Variants in PRPS2 observed in about 807,000 individuals in gnomAD.
The protein encoded by PRPS2 is ribose-phosphate pyrophosphokinase 2.
For missense variants in PRPS2, 104 were observed against 271.5 expected (o/e 0.38, Z 4.34); for synonymous variants, 111 against 115.3 (o/e 0.96, Z 0.24).
intron 4 of PRPS2, among the ~76,000 whole-genome samples, chrX:12,818,576 TA>T (rs1415726106): frequency 3.2e-4 from 35 of 110,755 alleles, no homozygotes; most frequent in Middle Eastern, 4.7e-3. Context: ...ACTAGGACTT[TA>T]AAACTAGTGT....
chrX:12,801,590 A>G (rs2042570757), intron 2 of PRPS2, among the ~76,000 whole-genome samples: 1 of 111,732 alleles, frequency 8.9e-6, no homozygotes, highest in African/African-American at 3.3e-5. Context: ...CTCACATTGT[A>G]GCTGGTTTTT....
At chrX:12,795,427 T>C (rs1347095774) in intron 1 of PRPS2, among the ~76,000 whole-genome samples, 1 of 111,669 alleles carries the variant, frequency 9.0e-6, no homozygotes, top group Non-Finnish European at 1.9e-5. Flanking sequence ...TCTGCTGTAG[T>C]TCATTTTGTG....
intron 2 of PRPS2, among the ~76,000 whole-genome samples, chrX:12,801,220 A>ATGTGTGTGTG (rs2042567711): frequency 4.2e-5 from 1 of 23,770 alleles, no homozygotes; most frequent in African/African-American, 1.6e-4. Context: ...TTGCGTGCGC[A>ATGTGTGTGTG]CGTGTGTGTG....
chrX:12,792,485 G>A (rs1449878923), intron 1 of PRPS2, among the ~76,000 whole-genome samples: 2 of 111,938 alleles, frequency 1.8e-5, no homozygotes, highest in African/African-American at 6.5e-5. Flanking sequence ...TCAGGTGGTG[G>A]CCATCCTCGG....
chrX:12,796,213 CTTTTTTTTTTTTT>C (rs751352461), intron 1 of PRPS2, among the ~76,000 whole-genome samples: 4 of 38,684 alleles, frequency 1.0e-4, no homozygotes, highest in Non-Finnish European at 1.9e-4. Flanking sequence ...ATAATTGGCT[CTTTTTTTTTTTTT>C]TTTTTTTTTT....
At chrX:12,820,485 T>C (rs2042670202) in intron 5 of PRPS2, among the ~76,000 whole-genome samples, 159 bp from the exon 6 acceptor site, 1 of 112,193 alleles carries the variant, frequency 8.9e-6, no homozygotes, top group African/African-American at 3.2e-5. Context: ...AGTGTTTTGC[T>C]CATGCTTGAG....
intron 4 of PRPS2, among the ~76,000 whole-genome samples, chrX:12,817,547 TGAG>T (rs2042654534): frequency 1.8e-5 from 2 of 108,432 alleles, no homozygotes; most frequent in African/African-American, 6.7e-5. Context: ...AATTCCACTC[TGAG>T]GTATATTCCC....
At chrX:12,801,131 A>AGTGGCTG (rs1199709381) in intron 2 of PRPS2, among the ~76,000 whole-genome samples, 1 of 111,655 alleles carries the variant, frequency 9.0e-6, no homozygotes, top group African/African-American at 3.3e-5. Context: ...TACCAAAACA[A>AGTGGCTG]GTGGCTGGTG....
intron 4 of PRPS2, among the ~76,000 whole-genome samples, chrX:12,815,319 T>C (rs780612457): frequency 3.4e-4 from 38 of 110,904 alleles, no homozygotes; most frequent in African/African-American, 9.2e-4. Flanking sequence ...CCTACCCTGC[T>C]GTCTGCTTGT....
At chrX:12,806,944 C>T (rs2042596393) in intron 2 of PRPS2, among the ~76,000 whole-genome samples, 2 of 110,947 alleles carry the variant, frequency 1.8e-5, no homozygotes, top group South Asian at 3.8e-4. Flanking sequence ...CAAAATTAGC[C>T]GGTTGTGGTG....
intron 4 of PRPS2, among the ~76,000 whole-genome samples, chrX:12,818,854 C>G (rs1359812040): frequency 9.0e-6 from 1 of 110,512 alleles, no homozygotes; most frequent in Non-Finnish European, 1.9e-5. Context: ...CTCAGCTCCT[C>G]CTGAGCTAGT....
At chrX:12,802,348 T>C (rs192049170) in intron 2 of PRPS2, among the ~76,000 whole-genome samples, 1,176 of 111,160 alleles carry the variant, frequency 0.011, 14 homozygotes, top group African/African-American at 0.037. Context: ...TTTTGTTTTG[T>C]TTTGTTTTGT....
chrX:12,818,240 T>C (rs2042658210), intron 4 of PRPS2, among the ~76,000 whole-genome samples: 1 of 107,833 alleles, frequency 9.3e-6, no homozygotes, highest in South Asian at 4.1e-4. Flanking sequence ...TGGTGGTGCA[T>C]GCCTATCACC....
rs1422477566 is a variant in PRPS2, at chrX:12,823,422, T to TG, written c.*632dup. ...GCTTAATATGGACACTGACACATTT[T>TG]GGGGGGTATACATTAGACATATCAG... On this transcript the variant is annotated 3_prime_UTR_variant, in exon 7 of 7. Coordinates refer to ENST00000380668, the MANE Select transcript of PRPS2 (RefSeq NM_002765.5). 2 of 109,247 alleles carry TG rather than the reference T, an allele frequency of 1.8e-5. No individual in the cohort carries two copies. Among genetic ancestry groups the TG allele is most frequent in the African/African-American group, 6.7e-5 (2 of 29,805 alleles). The allele number at this position is 109,247 out of a possible 1,213,427, so 9.0% of individuals were successfully genotyped here.
At chrX:12,806,139 C>T (rs1351998697) in intron 2 of PRPS2, among the ~76,000 whole-genome samples, 3 of 110,157 alleles carry the variant, frequency 2.7e-5, no homozygotes, top group Non-Finnish European at 5.7e-5. Context: ...ACTTCTGAGG[C>T]GGGTAAAGGA....
Position 12,792,397 on chromosome X carries a change from T to C in PRPS2, c.122+778T>C, listed in dbSNP as rs2042524492. On this transcript the variant is annotated intron_variant, in intron 1 of 6. Coordinates refer to ENST00000380668, the MANE Select transcript of PRPS2 (RefSeq NM_002765.5). ...GATGGACTTTCAGCTTCCTTCTTGTTCTAGGACTCTGCTGTGTCCAGCAAC... is the reference window on the plus strand; with the variant it reads ...GATGGACTTTCAGCTTCCTTCTTGTCCTAGGACTCTGCTGTGTCCAGCAAC... 2.7e-5 allele frequency among the ~76,000 whole-genome samples: 3 copies of C among 112,156 alleles called. No individual in the cohort carries two copies. In the Admixed American group the frequency reaches 2.8e-4, roughly 11 times the overall value.
At chrX:12,812,280 G>C (rs184746063) in intron 4 of PRPS2, among the ~76,000 whole-genome samples, 12 of 111,995 alleles carry the variant, frequency 1.1e-4, no homozygotes, top group African/African-American at 3.2e-4. Flanking sequence ...GTACAGGAGC[G>C]AGCGTCAGAT....
intron 4 of PRPS2, among the ~76,000 whole-genome samples, chrX:12,813,011 C>T (rs2042631443): frequency 8.9e-6 from 1 of 111,911 alleles, no homozygotes; most frequent in African/African-American, 3.3e-5. Context: ...ATCTTTCTTT[C>T]CTCCCCCAAC....
chrX:12,796,812 C>T (rs926398362), intron 1 of PRPS2, among the ~76,000 whole-genome samples: 13 of 103,578 alleles, frequency 1.3e-4, no homozygotes, highest in Non-Finnish European at 2.5e-4. Flanking sequence ...ATAGATTGAG[C>T]ATCCCTTATC....
Sources: allele counts gnomAD v4.1 joint callset (sites outside exome capture counted in the v4.1 genomes callset), GRCh38; gene constraint gnomAD v4.1.1; transcripts MANE v1.5; gene names NCBI Gene and HGNC (gene_info 2026-07-23, HGNC 2026-07-21).